ELOVL6: variants seen among roughly 807,000 people sequenced by gnomAD.
ELOVL6 encodes ELOVL fatty acid elongase 6.
In ELOVL6, 8 loss-of-function variants were observed where a neutral mutation model predicts 31.7. That is an observed-to-expected ratio of 0.25 (90% CI 0.15 to 0.45). The LOEUF (loss-of-function observed/expected upper bound fraction) is 0.45. ELOVL6 is among the 20% of genes least tolerant of loss of function. The pLI is 1.00. For synonymous variants in ELOVL6, 101 were observed against 117.7 expected (o/e 0.86, Z 0.92); for missense variants, 126 against 326.4 (o/e 0.39, Z 4.73).
intron 1 of ELOVL6, among the ~76,000 whole-genome samples, chr4:110,112,141 C>CTT (rs10645970): frequency 0.81 from 122,561 of 152,066 alleles, 49,975 homozygotes; most frequent in African/African-American, 0.93. Flanking sequence ...TACTGAAAGT[C>CTT]TGAGCTGGGA....
chr4:110,126,641 T>A (rs13145220), intron 1 of ELOVL6, among the ~76,000 whole-genome samples: 27,918 of 152,152 alleles, frequency 0.18, 3,066 homozygotes, highest in South Asian at 0.31. Context: ...CAGCTAATCT[T>A]ATGTGTTTCT....
chr4:110,174,382 T>C (rs1578279287), intron 1 of ELOVL6, among the ~76,000 whole-genome samples: 1 of 152,160 alleles, frequency 6.6e-6, no homozygotes, highest in Non-Finnish European at 1.5e-5. Flanking sequence ...GCCAGGCTGG[T>C]CTTGAACCCC....
In ELOVL6 at chr4:110,056,126, G is replaced by GT. The variant is rs1553953519; in HGVS notation, c.373+3476_373+3477insA. Among the ~76,000 whole-genome samples the GT allele has an allele frequency of 1.4e-4, 20 of 145,234 alleles. No homozygotes were observed. The South Asian group carries it at 1.5e-3, about 11-fold the overall frequency. ...AGAGTTTGAGTTTGTGGGAGCTGGG[G>GT]GGGGGGATACAGTTTCAGTACTATA... On this transcript the variant is annotated intron_variant, in intron 3 of 3. Coordinates refer to ENST00000302274, the MANE Select transcript of ELOVL6 (RefSeq NM_024090.3).
intron 1 of ELOVL6, among the ~76,000 whole-genome samples, chr4:110,115,528 A>T (rs1296374342): frequency 6.6e-6 from 1 of 152,102 alleles, no homozygotes; most frequent in East Asian, 1.9e-4. Flanking sequence ...AAGACGGCTT[A>T]AGGCCAGGAA....
intron 2 of ELOVL6, among the ~76,000 whole-genome samples, chr4:110,090,559 A>G (rs11731407): frequency 0.62 from 92,905 of 149,550 alleles, 31,720 homozygotes; most frequent in African/African-American, 0.9. Context: ...TAGGGCCACA[A>G]GAGGTAGGCC....
At chr4:110,095,803 G>C (rs1303681949) in intron 2 of ELOVL6, among the ~76,000 whole-genome samples, 1 of 141,934 alleles carries the variant, frequency 7.0e-6, no homozygotes, top group Non-Finnish European at 1.5e-5. Flanking sequence ...GAGGGTCCAG[G>C]GTGGAACAGG....
At chr4:110,169,932 G>A (rs1758895233) in intron 1 of ELOVL6, among the ~76,000 whole-genome samples, 1 of 150,882 alleles carries the variant, frequency 6.6e-6, no homozygotes, top group Non-Finnish European at 1.5e-5. Flanking sequence ...AGCCTCCCAA[G>A]TAGCTGGGAC....
chr4:110,101,826 C>T (rs764296865), intron 2 of ELOVL6, among the ~76,000 whole-genome samples: 33 of 152,140 alleles, frequency 2.2e-4, no homozygotes, highest in Admixed American at 6.5e-5. Flanking sequence ...AGGTGCGTGA[C>T]ACCATGCCTG....
rs1560869331 is a variant in ELOVL6 at position 110,198,085 on chromosome 4, CCCA to C, written c.89+159_89+161del. ...CTCGCGCTTCATGTACCCCCCCCCC[CCCA>C]GCGTCTCCTGCACCCGGGAGACCCG... On this transcript the variant is annotated intron_variant, in intron 1 of 3. Coordinates refer to ENST00000302274, the MANE Select transcript of ELOVL6 (RefSeq NM_024090.3). 3.8e-4 allele frequency: 196 copies of C among 514,722 alleles called. 1 individual carries two copies. Among genetic ancestry groups the C allele is most frequent in the East Asian group, 9.5e-4 (23 of 24,148 alleles). 31.9% of individuals were successfully genotyped at this position (514,722 alleles called of 1,614,324 possible).
rs1049334085 is a variant in ELOVL6 at position 110,050,546 on chromosome 4, A to C, written c.*792T>G. 7.2e-5 allele frequency: 11 copies of C among 152,230 alleles called. No homozygotes were observed. The highest frequency in any genetic ancestry group is 2.7e-4 in the African/African-American group (11 of 41,432). 9.4% of individuals were successfully genotyped at this position (152,230 alleles called of 1,614,324 possible). A position where few individuals can be genotyped will look rare whatever the true frequency, so the allele number is the denominator to read the frequency against. On this transcript the variant is annotated 3_prime_UTR_variant, in exon 4 of 4. Transcript: ENST00000302274. ...ACAAAAGGATAATGCTTCATATCTCACTTAAGAGTAGAAATTACAGTTCAA... is the reference window on the plus strand; with the variant it reads ...ACAAAAGGATAATGCTTCATATCTCCCTTAAGAGTAGAAATTACAGTTCAA...
Position 110,049,925 on chromosome 4 carries a change from T to C in ELOVL6, c.*1413A>G, listed in dbSNP as rs935053189. On this transcript the variant is annotated 3_prime_UTR_variant, in exon 4 of 4. Coordinates refer to ENST00000302274, the MANE Select transcript of ELOVL6 (RefSeq NM_024090.3). ...AAGAATATGGCTCTTAATAAATTGA[T>C]TTTGAGTTCCAGAGCTAAAGTCCCT... is the stretch of plus-strand genomic sequence containing the variant. The C allele has an allele frequency of 1.3e-5, 2 of 152,024 alleles. No individual in the cohort carries two copies. The highest frequency in any genetic ancestry group is 2.9e-5 in the Non-Finnish European group (2 of 67,970). 9.4% of individuals were successfully genotyped at this position (152,024 alleles called of 1,614,324 possible). A position where few individuals can be genotyped will look rare whatever the true frequency, so the allele number is the denominator to read the frequency against.
At chr4:110,103,082 T>C (rs911126088) in intron 2 of ELOVL6, among the ~76,000 whole-genome samples, 3 of 152,166 alleles carry the variant, frequency 2.0e-5, no homozygotes, top group African/African-American at 7.2e-5. Context: ...CTCTTGCCTC[T>C]ACCATGTAAG....
At chr4:110,073,975 C>T (rs1427911705) in intron 2 of ELOVL6, among the ~76,000 whole-genome samples, 1 of 152,188 alleles carries the variant, frequency 6.6e-6, no homozygotes, top group Non-Finnish European at 1.5e-5. Flanking sequence ...TCCCATAATT[C>T]CTCAATTAGA....
chr4:110,105,484 G>GA lies in ELOVL6; in HGVS notation c.221+12dup, dbSNP rs748728557. ...AATGGATACGTTTTATTAGAAAAAT[G>GA]AAAAAAACCTACCTGAAGACTGCAA... On this transcript the variant is annotated intron_variant, in intron 2 of 3. Transcript: ENST00000302274. 3.0e-5 allele frequency: 47 copies of GA among 1,586,270 alleles called. No individual in the cohort carries two copies. Among genetic ancestry groups the GA allele is most frequent in the East Asian group, 4.5e-5 (2 of 44,640 alleles).
intron 2 of ELOVL6, among the ~76,000 whole-genome samples, chr4:110,069,418 C>T (rs1433492261): frequency 6.6e-6 from 1 of 152,016 alleles, no homozygotes; most frequent in Non-Finnish European, 1.5e-5. Context: ...TTACTGCTTG[C>T]TCCAGCCCAT....
chr4:110,194,742 G>A (rs1256858785), intron 1 of ELOVL6, among the ~76,000 whole-genome samples: 1 of 152,180 alleles, frequency 6.6e-6, no homozygotes, highest in Non-Finnish European at 1.5e-5. Flanking sequence ...TATAGCGTAT[G>A]TTTAATAAAG....
intron 1 of ELOVL6, among the ~76,000 whole-genome samples, chr4:110,167,915 C>T (rs1353447334): frequency 6.6e-6 from 1 of 152,096 alleles, no homozygotes; most frequent in African/African-American, 2.4e-5. Context: ...ACAAAACTTT[C>T]TGAGGCCTTG....
At chr4:110,137,049 A>C (rs1285626167) in intron 1 of ELOVL6, among the ~76,000 whole-genome samples, 1 of 152,168 alleles carries the variant, frequency 6.6e-6, no homozygotes. Flanking sequence ...GAAAAATGGT[A>C]CCTTCAGAAA....
intron 1 of ELOVL6, among the ~76,000 whole-genome samples, chr4:110,165,939 G>A (rs537891354): frequency 3.9e-5 from 6 of 152,266 alleles, no homozygotes; most frequent in Admixed American, 1.3e-4. Context: ...AAGAAAACCA[G>A]TTAGGCTTCT....
Sources: gnomAD v4.1 joint callset for allele counts (sites outside exome capture counted in the v4.1 genomes callset) on GRCh38, gnomAD v4.1.1 for gene constraint, MANE v1.5 for transcripts, NCBI Gene and HGNC (gene_info 2026-07-23, HGNC 2026-07-21) for gene names.